The following MYT1L variants were observed in gnomAD, a reference collection of about 807,000 sequenced individuals.
The protein encoded by MYT1L is myelin transcription factor 1 like.
A neutral mutation model predicts 126.7 loss-of-function variants in MYT1L; 12 were observed. That is an observed-to-expected ratio of 0.09 (90% CI 0.06 to 0.15). MYT1L has a LOEUF of 0.15. MYT1L is among the 10% of genes least tolerant of loss of function. The pLI, the probability that MYT1L is intolerant of heterozygous loss-of-function variation, is 1.00. For missense variants in MYT1L, 979 were observed against 1,585.2 expected (o/e 0.62, Z 6.49); for synonymous variants, 541 against 604.2 (o/e 0.90, Z 1.53).
chr2:2,117,505 A>G (rs2147839877), intron 3 of MYT1L, among the ~76,000 whole-genome samples: 1 of 152,156 alleles, frequency 6.6e-6, no homozygotes, highest in East Asian at 1.9e-4. Context: ...GTCACTCCCA[A>G]GGAAGCCTGG....
At chr2:1,934,307 T>TATATATATATACATACAC (rs71276816) in intron 9 of MYT1L, among the ~76,000 whole-genome samples, 2 of 132,112 alleles carry the variant, frequency 1.5e-5, no homozygotes, top group Non-Finnish European at 1.7e-5. Flanking sequence ...TATATATATA[T>TATATATATATACATACAC]ACAACCTCAT....
intron 10 of MYT1L, among the ~76,000 whole-genome samples, chr2:1,918,165 TA>T (rs918763268): frequency 4.6e-5 from 7 of 151,512 alleles, no homozygotes; most frequent in African/African-American, 9.7e-5. Flanking sequence ...GAGCTTCGGT[TA>T]AAAAAAAATT....
At chr2:1,905,282 A>G (rs2050894768) in intron 13 of MYT1L, among the ~76,000 whole-genome samples, 1 of 152,190 alleles carries the variant, frequency 6.6e-6, no homozygotes, top group African/African-American at 2.4e-5. Flanking sequence ...TAAAGACCCA[A>G]CCAAGCAGGA....
chr2:1,888,068 T>C (rs1446199861), intron 16 of MYT1L, among the ~76,000 whole-genome samples: 2 of 152,222 alleles, frequency 1.3e-5, no homozygotes, highest in East Asian at 3.8e-4. Context: ...AGATTCAAGG[T>C]AATGGAGACC....
At position 1,801,738 on chromosome 2, in the gene MYT1L, G is replaced by A; in HGVS notation, c.3234C>T (p.Ser1078=). The A allele has an allele frequency of 6.2e-7, 1 of 1,611,830 alleles. No individual in the cohort carries two copies. Among genetic ancestry groups the A allele is most frequent in the Non-Finnish European group, 8.5e-7 (1 of 1,179,076 alleles). ...TCATATCGGCTTCCATCTGGGAATT[G>A]GATTCATTTAGCTCCTTGATTTCTT... is the stretch of plus-strand genomic sequence containing the variant. ...LDEEIKELNE[S]NSQMEADMIK... Residue 1078 remains serine, a synonymous_variant, in exon 23 of 25, where the codon TCC becomes TCT. Transcript: ENST00000647738. This position sits in a 1 kb window ranked among gnomAD's most constrained non-coding sequence, Gnocchi z 4.2.
intron 2 of MYT1L, among the ~76,000 whole-genome samples, chr2:2,280,761 C>A (rs1559539405): frequency 6.6e-6 from 1 of 152,192 alleles, no homozygotes; most frequent in Non-Finnish European, 1.5e-5. Flanking sequence ...CCAAACAAAC[C>A]ATAACCTGAG....
At chr2:2,111,894 C>T (rs972908481) in intron 3 of MYT1L, among the ~76,000 whole-genome samples, 4 of 152,234 alleles carry the variant, frequency 2.6e-5, no homozygotes, top group South Asian at 4.1e-4. Context: ...GCGTTGCCCC[C>T]GGGCAGTATA....
intron 19 of MYT1L, among the ~76,000 whole-genome samples, chr2:1,850,060 A>G (rs1335152155): frequency 6.6e-6 from 1 of 151,510 alleles, no homozygotes; most frequent in Non-Finnish European, 1.5e-5. Flanking sequence ...CACTGCTGAC[A>G]GTGTCTTTAA....
intron 3 of MYT1L, among the ~76,000 whole-genome samples, chr2:2,096,270 T>C (rs757274732): frequency 6.6e-6 from 1 of 152,194 alleles, no homozygotes; most frequent in Non-Finnish European, 1.5e-5. Flanking sequence ...GCTCACAATA[T>C]TCCTGCTGTG....
At chr2:1,906,603 A>C (rs2051094255) in intron 13 of MYT1L, among the ~76,000 whole-genome samples, 2 of 152,190 alleles carry the variant, frequency 1.3e-5, no homozygotes, top group Admixed American at 6.5e-5. Context: ...GATATTGGTT[A>C]AATATCCAAT....
At chr2:1,942,885 C>G in intron 9 of MYT1L, 97 bp downstream of exon 9, 1 of 1,434,260 alleles carries the variant, frequency 7.0e-7, no homozygotes, top group Admixed American at 2.8e-5. Flanking sequence ...AGAACAATTT[C>G]TTTATATGCC....
chr2:2,137,258 T>C (rs1036715641), intron 3 of MYT1L, among the ~76,000 whole-genome samples: 44 of 152,138 alleles, frequency 2.9e-4, no homozygotes, highest in Non-Finnish European at 2.9e-5. Flanking sequence ...AAAATGGCCA[T>C]ACTGCCCAAG....
intron 8 of MYT1L, among the ~76,000 whole-genome samples, chr2:1,956,973 G>A (rs1477464284): frequency 6.6e-6 from 1 of 152,130 alleles, no homozygotes; most frequent in African/African-American, 2.4e-5. Flanking sequence ...CCATCTGTCT[G>A]CAGCCCGTGG....
At chr2:1,871,407 G>A in intron 18 of MYT1L, among the ~76,000 whole-genome samples, 1 of 152,228 alleles carries the variant, frequency 6.6e-6, no homozygotes, top group East Asian at 1.9e-4. Context: ...CTGGCCTGGA[G>A]AACCGGGATA....
At chr2:2,031,457 C>CT (rs2066241752) in intron 4 of MYT1L, among the ~76,000 whole-genome samples, 1 of 147,470 alleles carries the variant, frequency 6.8e-6, no homozygotes, top group African/African-American at 2.5e-5. Flanking sequence ...ATACACACCC[C>CT]TCGCCAGTGC....
At chr2:1,955,588 A>C (rs1248623458) in intron 8 of MYT1L, among the ~76,000 whole-genome samples, 1 of 152,216 alleles carries the variant, frequency 6.6e-6, no homozygotes, top group African/African-American at 2.4e-5. Flanking sequence ...AAAGTTGCTC[A>C]ATAGTTTAAT....
intron 18 of MYT1L, among the ~76,000 whole-genome samples, chr2:1,879,712 AC>A: frequency 6.6e-6 from 1 of 152,268 alleles, no homozygotes; most frequent in East Asian, 1.9e-4. Context: ...AATTATAAGG[AC>A]AATAAATTCT....
Position 2,134,729 on chromosome 2 carries a change from C to CAGAACTGTG in MYT1L, c.-304+38142_-304+38143insCACAGTTCT, listed in dbSNP as rs139733315. 7.2e-3 allele frequency among the ~76,000 whole-genome samples: 1,098 copies of CAGAACTGTG among 152,252 alleles called. 15 individuals are homozygous for CAGAACTGTG. Among genetic ancestry groups the CAGAACTGTG allele is most frequent in the African/African-American group, 0.025 (1,037 of 41,544 alleles). On this transcript the variant is annotated intron_variant, in intron 3 of 24. Transcript: ENST00000647738. ...ACTTTGATCCTGGACTTCCAGAGTC[C>CAGAACTGTG]AGAAATGAACGTTGTTTTTTAAGCT...
intron 22 of MYT1L, among the ~76,000 whole-genome samples, chr2:1,807,810 T>G (rs2035951451): frequency 6.6e-6 from 1 of 152,092 alleles, no homozygotes; most frequent in African/African-American, 2.4e-5. Flanking sequence ...TGTCAATCGA[T>G]CAATAAAAAA....
Sources: allele counts gnomAD v4.1 joint callset (sites outside exome capture counted in the v4.1 genomes callset), GRCh38; gene constraint gnomAD v4.1.1; non-coding constraint Gnocchi (gnomAD v3.1); transcripts MANE v1.5; gene names NCBI Gene and HGNC (gene_info 2026-07-23, HGNC 2026-07-21).